The following PPARGC1A variants were observed in gnomAD, a reference collection of about 807,000 sequenced individuals.
PPARGC1A encodes the protein PPARG coactivator 1 alpha, also known as peroxisome proliferator-activated receptor gamma coactivator 1-alpha.
PPARGC1A carries 25 observed loss-of-function variants against 88.7 expected under a neutral mutation model. The observed-to-expected ratio is 0.28, with a 90% CI of 0.21 to 0.39. PPARGC1A has a LOEUF of 0.39. Ranked by LOEUF, PPARGC1A falls within the 10% of genes least tolerant of loss-of-function variation. PPARGC1A has a pLI of 1.00. For missense variants in PPARGC1A, 880 were observed against 968.7 expected (o/e 0.91, Z 1.22); for synonymous variants, 363 against 355.6 (o/e 1.02, Z -0.24).
the PPARGC1A span, among the ~76,000 whole-genome samples, chr4:24,379,582 T>A: frequency 2.4e-4 from 37 of 151,880 alleles, no homozygotes; most frequent in Non-Finnish European, 4.6e-4. Flanking sequence ...AAAATAATAA[T>A]TAGGTTTTTG....
chr4:24,321,642 G>A, the PPARGC1A span, among the ~76,000 whole-genome samples: 4 of 152,238 alleles, frequency 2.6e-5, no homozygotes, highest in East Asian at 5.8e-4. Context: ...GGCAATATTT[G>A]TCAGAAGCTG....
the PPARGC1A span, among the ~76,000 whole-genome samples, chr4:24,092,608 C>T: frequency 6.6e-6 from 1 of 152,304 alleles, no homozygotes; most frequent in South Asian, 2.1e-4. Context: ...CAAGACAGTC[C>T]TGTTCCATGG....
At chr4:24,358,698 C>T in the PPARGC1A span, among the ~76,000 whole-genome samples, 2 of 152,224 alleles carry the variant, frequency 1.3e-5, no homozygotes, top group Non-Finnish European at 2.9e-5. Context: ...CTTTGCTATA[C>T]CGCCCATGCC....
chr4:24,327,619 C>T, the PPARGC1A span, among the ~76,000 whole-genome samples: 1 of 151,990 alleles, frequency 6.6e-6, no homozygotes, highest in South Asian at 2.1e-4. Flanking sequence ...TTCTAACAAC[C>T]CCACAATATC....
chr4:24,353,488 G>A, the PPARGC1A span, among the ~76,000 whole-genome samples: 1 of 151,894 alleles, frequency 6.6e-6, no homozygotes, highest in African/African-American at 2.4e-5. Flanking sequence ...CTATTTTCTT[G>A]TTTACTGTAG....
At chr4:24,317,142 A>G in the PPARGC1A span, among the ~76,000 whole-genome samples, 1 of 152,098 alleles carries the variant, frequency 6.6e-6, no homozygotes, top group East Asian at 1.9e-4. Flanking sequence ...CAGCTCACTC[A>G]TGGTTACTCA....
At chr4:24,438,251 G>C in the PPARGC1A span, among the ~76,000 whole-genome samples, 1 of 151,494 alleles carries the variant, frequency 6.6e-6, no homozygotes, top group Non-Finnish European at 1.5e-5. Context: ...GGATGGAATT[G>C]CTGGGGTAAT....
the PPARGC1A span, among the ~76,000 whole-genome samples, chr4:24,210,593 C>T: frequency 6.6e-6 from 1 of 152,148 alleles, no homozygotes; most frequent in African/African-American, 2.4e-5. Flanking sequence ...ACACACTGAC[C>T]ACGCAGAGGG....
At chr4:24,109,623 T>G in the PPARGC1A span, among the ~76,000 whole-genome samples, 5 of 152,198 alleles carry the variant, frequency 3.3e-5, no homozygotes, top group African/African-American at 1.2e-4. Flanking sequence ...TACAAGTCTA[T>G]TTAGCATTTA....
At chr4:23,901,468 C>A (rs1258386210), upstream of PPARGC1A, among the ~76,000 whole-genome samples, 1 of 149,308 alleles carries the variant, frequency 6.7e-6, no homozygotes, top group Non-Finnish European at 1.5e-5. Context: ...CGCTTGAATG[C>A]AGGAGGTGGA....
chr4:23,945,598 C>T, the PPARGC1A span, among the ~76,000 whole-genome samples: 6 of 152,120 alleles, frequency 3.9e-5, no homozygotes, highest in Non-Finnish European at 5.9e-5. Flanking sequence ...TGGGCCTAGA[C>T]AATAGGAAGT....
the PPARGC1A span, among the ~76,000 whole-genome samples, chr4:24,053,479 A>C: frequency 4.6e-5 from 6 of 129,224 alleles, no homozygotes; most frequent in Non-Finnish European, 8.9e-5. Context: ...CCTTAGGAGA[A>C]TCCTAAGGAA....
chr4:24,161,961 TACACACACACAC>T, the PPARGC1A span, among the ~76,000 whole-genome samples: 4,450 of 133,904 alleles, frequency 0.033, 97 homozygotes, highest in Admixed American at 0.036. Flanking sequence ...AATTGTGATA[TACACACACACAC>T]ACACACACAC....
chr4:23,941,461 C>T, the PPARGC1A span, among the ~76,000 whole-genome samples: 1 of 152,100 alleles, frequency 6.6e-6, no homozygotes, highest in Non-Finnish European at 1.5e-5. Flanking sequence ...ATCTGTCAGA[C>T]TCGATCAGAT....
chr4:24,340,890 G>A, the PPARGC1A span, among the ~76,000 whole-genome samples: 1 of 152,070 alleles, frequency 6.6e-6, no homozygotes, highest in Admixed American at 6.6e-5. Context: ...AAGCCAATGG[G>A]GAACAGTGGT....
At chr4:24,145,841 A>G in the PPARGC1A span, among the ~76,000 whole-genome samples, 1 of 152,136 alleles carries the variant, frequency 6.6e-6, no homozygotes, top group African/African-American at 2.4e-5. Flanking sequence ...AAACTTCACT[A>G]TATTATCGAA....
At chr4:24,323,285 G>A in the PPARGC1A span, among the ~76,000 whole-genome samples, 1 of 152,210 alleles carries the variant, frequency 6.6e-6, no homozygotes, top group African/African-American at 2.4e-5. Context: ...AACACTGAAT[G>A]TCAGGCCTCT....
the PPARGC1A span, among the ~76,000 whole-genome samples, chr4:24,327,567 G>A: frequency 2.6e-5 from 4 of 151,770 alleles, no homozygotes; most frequent in Non-Finnish European, 5.9e-5. Flanking sequence ...ATACAAAACC[G>A]TATCCAGGCC....
the PPARGC1A span, among the ~76,000 whole-genome samples, chr4:24,001,910 G>T: frequency 6.6e-6 from 1 of 152,022 alleles, no homozygotes; most frequent in South Asian, 2.1e-4. Flanking sequence ...GAGTCTATTA[G>T]TCCAAGAAGT....
Sources: allele counts gnomAD v4.1 joint callset (sites outside exome capture counted in the v4.1 genomes callset), GRCh38; gene constraint gnomAD v4.1.1; transcripts MANE v1.5; gene names NCBI Gene and HGNC (gene_info 2026-07-23, HGNC 2026-07-21).